Variants in BRF1 observed in about 807,000 individuals in gnomAD.
BRF1 encodes BRF1 general transcription factor IIIB subunit.
In BRF1, 59 loss-of-function variants were observed where a neutral mutation model predicts 81.7. The observed-to-expected ratio is 0.72, with a 90% CI of 0.59 to 0.90. The LOEUF (loss-of-function observed/expected upper bound fraction) is 0.90. Ranked by LOEUF, BRF1 falls within the 40% of genes least tolerant of loss-of-function variation. The pLI is 0.00. For missense variants in BRF1, 1,050 were observed against 936.3 expected (o/e 1.12, Z -1.58); for synonymous variants, 491 against 395.6 (o/e 1.24, Z -2.86).
chr14:105,310,120 A>G (rs2058308070), intron 1 of BRF1, among the ~76,000 whole-genome samples: 1 of 152,084 alleles, frequency 6.6e-6, no homozygotes, highest in Non-Finnish European at 1.5e-5. Flanking sequence ...TCGTGATAGT[A>G]GTGACAACTG....
chr14:105,248,403 C>T (rs587631312), intron 5 of BRF1: 1 of 985,412 alleles, frequency 1.0e-6, no homozygotes, highest in South Asian at 4.7e-5. Flanking sequence ...CGGGAGCCGC[C>T]TTCCACGGCT....
At position 105,315,010 on chromosome 14, in the gene BRF1, A is replaced by C; in HGVS notation, c.-162+312T>G. ...AACCTGTTCGCCACCTGGGAGGTGGACGGCTCCAGCCCCAGCTGCGTGCCC... is the reference window on the plus strand; with the variant it reads ...AACCTGTTCGCCACCTGGGAGGTGGCCGGCTCCAGCCCCAGCTGCGTGCCC... On this transcript the variant is annotated intron_variant, in intron 1 of 17. Coordinates refer to the BRF1 transcript ENST00000327359. The surrounding 1 kb of genome is among the most constrained non-coding windows in gnomAD (Gnocchi z 4.4). 1.6e-6 allele frequency: 2 copies of C among 1,254,366 alleles called. No individual in the cohort carries two copies. Among genetic ancestry groups the C allele is most frequent in the Non-Finnish European group, 2.0e-6 (2 of 979,558 alleles). The allele number at this position is 1,254,366 out of a possible 1,614,324, so 77.7% of individuals were successfully genotyped here. A position where few individuals can be genotyped will look rare whatever the true frequency, so the allele number is the denominator to read the frequency against.
intron 1 of BRF1, among the ~76,000 whole-genome samples, chr14:105,311,421 G>A (rs763836342): frequency 3.9e-5 from 6 of 151,912 alleles, no homozygotes; most frequent in Non-Finnish European, 7.4e-5. Context: ...GCCCAGGTAC[G>A]TTTTTGTATT....
At chr14:105,217,874 G>C (rs1288675599) in intron 14 of BRF1, 74 bp from the exon 15 acceptor site, 9 of 1,570,572 alleles carry the variant, frequency 5.7e-6, no homozygotes, top group Non-Finnish European at 7.8e-6. Context: ...CTCCACGTGA[G>C]GCCAGGAGTG....
chr14:105,216,871 C>T (rs939146684), intron 15 of BRF1, among the ~76,000 whole-genome samples: 2 of 152,158 alleles, frequency 1.3e-5, no homozygotes, highest in Non-Finnish European at 2.9e-5. Flanking sequence ...GAAGCTAAGC[C>T]GCCAACCCCA....
chr14:105,274,011 C>T (rs746547745), intron 2 of BRF1, among the ~76,000 whole-genome samples: 5 of 152,210 alleles, frequency 3.3e-5, no homozygotes, highest in Non-Finnish European at 5.9e-5. Flanking sequence ...ATATAAAACC[C>T]GATTGTACAC....
intron 6 of BRF1, among the ~76,000 whole-genome samples, chr14:105,240,926 A>T (rs938519225): frequency 2.6e-5 from 4 of 152,072 alleles, no homozygotes; most frequent in Admixed American, 2.0e-4. Flanking sequence ...CAGGAGAGAG[A>T]GGCCACACCA....
At chr14:105,306,133 G>A (rs2058180210) in intron 1 of BRF1, among the ~76,000 whole-genome samples, 1 of 152,182 alleles carries the variant, frequency 6.6e-6, no homozygotes, top group Non-Finnish European at 1.5e-5. Flanking sequence ...AACTGAACGT[G>A]CTCGTAACAC....
intron 15 of BRF1, chr14:105,212,402 T>C: frequency 1.9e-6 from 1 of 517,366 alleles, no homozygotes; most frequent in South Asian, 2.4e-5. Flanking sequence ...ACACAGAAGC[T>C]GCAGACGCCC....
Position 105,226,130 on chromosome 14 carries a change from C to G in BRF1, c.987G>C (p.Glu329Asp), listed in dbSNP as rs145719901. Residue 329 changes from glutamate to aspartate, a missense_variant, in exon 10 of 18, where the codon GAG becomes GAC. By Grantham distance (45) the Glu-to-Asp change is conservative. Transcript: ENST00000547530. Reference protein sequence around the residue: ...GEISSYQDAIEIELENSRPKA... With the variant: ...GEISSYQDAIDIELENSRPKA... Reference sequence around the variant, plus strand: ...TTGGCCGGCTGTTTTCTAGTTCAATCTCAATTGCATCCTGGTAACTGGATA... The same window carrying G: ...TTGGCCGGCTGTTTTCTAGTTCAATGTCAATTGCATCCTGGTAACTGGATA... 9.0e-5 allele frequency: 145 copies of G among 1,613,972 alleles called. No individual in the cohort carries two copies. The African/African-American group carries it at 1.7e-3, about 18-fold the overall frequency.
At chr14:105,227,931 T>C (rs935903220) in intron 7 of BRF1, 6 of 152,226 alleles carry the variant, frequency 3.9e-5, no homozygotes, top group Non-Finnish European at 8.8e-5. Flanking sequence ...CAGTTACAGG[T>C]GGCAGCAACT....
chr14:105,314,339 C>T (rs1200886816), intron 1 of BRF1: 1 of 151,626 alleles, frequency 6.6e-6, no homozygotes, highest in African/African-American at 2.4e-5. Flanking sequence ...GGGGAATCCG[C>T]GCGTGGGGAG....
intron 15 of BRF1, among the ~76,000 whole-genome samples, chr14:105,216,722 A>C (rs1314341009): frequency 6.6e-6 from 1 of 152,238 alleles, no homozygotes; most frequent in Non-Finnish European, 1.5e-5. Context: ...GGGGCTGCCG[A>C]GAGTCAGCAC....
intron 2 of BRF1, among the ~76,000 whole-genome samples, chr14:105,281,072 G>A (rs1255761718): frequency 7.1e-6 from 1 of 141,250 alleles, no homozygotes; most frequent in Non-Finnish European, 1.5e-5. Flanking sequence ...CCAGGTGTGC[G>A]GATACAGCCT....
chr14:105,267,507 T>G (rs1316213413), intron 3 of BRF1, among the ~76,000 whole-genome samples: 4 of 152,060 alleles, frequency 2.6e-5, no homozygotes, highest in Non-Finnish European at 5.9e-5. Context: ...AGACGGGGTT[T>G]CACCATGTTG....
Position 105,212,097 on chromosome 14 carries a change from G to A in BRF1, c.1824+16C>T. ...CTCCCAAGGTCTCCCTGCCCTGGCT[G>A]CGTGGGACAACACACCTCTCCCGTG... On this transcript the variant is annotated intron_variant, in intron 16 of 17. Coordinates refer to ENST00000547530, the MANE Select transcript of BRF1 (RefSeq NM_001519.4). 1 of 1,611,944 alleles carries A rather than the reference G, an allele frequency of 6.2e-7. No individual in the cohort carries two copies. The highest frequency in any genetic ancestry group is 8.5e-7 in the Non-Finnish European group (1 of 1,179,286).
intron 5 of BRF1, chr14:105,247,843 G>T (rs587631487): frequency 2.0e-6 from 2 of 985,684 alleles, no homozygotes; most frequent in South Asian, 4.7e-5. Flanking sequence ...CACGGCCTCT[G>T]AAGTCTGGTC....
At chr14:105,226,981 G>A in intron 7 of BRF1, 1 of 532,782 alleles carries the variant, frequency 1.9e-6, no homozygotes, top group East Asian at 3.5e-5. Context: ...ACGCATGGTG[G>A]TACACACCTG....
intron 1 of BRF1, among the ~76,000 whole-genome samples, chr14:105,313,987 A>C (rs1360197116): frequency 1.3e-5 from 2 of 152,244 alleles, no homozygotes; most frequent in South Asian, 4.1e-4. Context: ...TTTGTTCTCC[A>C]TTGTCCTGAG....
Sources: allele counts gnomAD v4.1 joint callset (sites outside exome capture counted in the v4.1 genomes callset), GRCh38; gene constraint gnomAD v4.1.1; non-coding constraint Gnocchi (gnomAD v3.1); transcripts MANE v1.5; gene names NCBI Gene and HGNC (gene_info 2026-07-23, HGNC 2026-07-21).